KLRF1: variants seen among roughly 807,000 people sequenced by gnomAD.
KLRF1 encodes the protein killer cell lectin-like receptor subfamily F member 1.
KLRF1 carries 27 observed loss-of-function variants against 30.7 expected under a neutral mutation model. The observed-to-expected ratio is 0.88, with a 90% CI of 0.65 to 1.21. The LOEUF is 1.21. KLRF1 is among the 50% of genes most tolerant of loss of function. The pLI, the probability that KLRF1 is intolerant of heterozygous loss-of-function variation, is 0.00. For missense variants in KLRF1, 246 were observed against 259.3 expected (o/e 0.95, Z 0.35); for synonymous variants, 92 against 89.3 (o/e 1.03, Z -0.17).
Position 9,832,331 on chromosome 12 carries a change from T to A in KLRF1, c.101T>A (p.Leu34Ter). ...AATGTCTCAGATTATTCAGTGACGT[T>A]GCACTGGTATAAAATCTTACTGGGA... ...QLTFKDYSVT[L>*]HWYKILLGIS... Residue 34 changes from leucine to a stop codon, truncating the protein, a stop_gained, in exon 2 of 6, where the codon TTG becomes TAG. Coordinates refer to ENST00000617889, the MANE Select transcript of KLRF1 (RefSeq NM_016523.3). LOFTEE classifies it high-confidence loss of function. The A allele has an allele frequency of 6.3e-7, 1 of 1,597,362 alleles. No homozygotes were observed. Among genetic ancestry groups the A allele is most frequent in the Admixed American group, 1.7e-5 (1 of 59,822 alleles).
chr12:9,807,572 A>G, the KLRF1 span, among the ~76,000 whole-genome samples: 2 of 152,190 alleles, frequency 1.3e-5, no homozygotes, highest in East Asian at 3.8e-4. Flanking sequence ...CTAATAAGTT[A>G]AAAGAAGAAA....
At chr12:9,833,264 A>C (rs1867486772) in intron 2 of KLRF1, 39 bp from the exon 3 acceptor site, 4 of 1,417,752 alleles carry the variant, frequency 2.8e-6, no homozygotes, top group Non-Finnish European at 3.8e-6. Flanking sequence ...TTCCATAGAG[A>C]AGATATTTAC....
chr12:9,843,757 T>C (rs144167848), intron 5 of KLRF1, among the ~76,000 whole-genome samples: 15 of 152,302 alleles, frequency 9.8e-5, no homozygotes, highest in South Asian at 2.1e-4. Context: ...TATTTTCTAA[T>C]ATGAAAATTC....
intron 3 of KLRF1, among the ~76,000 whole-genome samples, chr12:9,839,491 A>G (rs1317958889): frequency 6.6e-6 from 1 of 152,122 alleles, no homozygotes; most frequent in African/African-American, 2.4e-5. Context: ...AGATAGGAGT[A>G]TTATATTCAG....
chr12:9,816,996 C>G, the KLRF1 span, among the ~76,000 whole-genome samples: 1 of 151,936 alleles, frequency 6.6e-6, no homozygotes, highest in African/African-American at 2.4e-5. Context: ...GCCTCCCATC[C>G]AGCATTCTCT....
At chr12:9,844,353 C>T (rs1298072433) in intron 5 of KLRF1, 65 bp from the exon 6 acceptor site, 2 of 810,982 alleles carry the variant, frequency 2.5e-6, no homozygotes, top group Non-Finnish European at 4.2e-6. Flanking sequence ...AGGATATTAG[C>T]AGAAGACACA....
At chr12:9,800,823 A>AT in the KLRF1 span, among the ~76,000 whole-genome samples, 1 of 151,832 alleles carries the variant, frequency 6.6e-6, no homozygotes, top group East Asian at 1.9e-4. Context: ...TTATCTTTTC[A>AT]TTTTTTAAAA....
intron 5 of KLRF1, 54 bp from the exon 6 acceptor site, chr12:9,844,364 A>C (rs1867766232): frequency 3.3e-6 from 3 of 903,908 alleles, no homozygotes; most frequent in South Asian, 2.9e-5. Flanking sequence ...AGAAGACACA[A>C]ATGGATGTCT....
chr12:9,828,262 G>T (rs1170315358), intron 1 of KLRF1, among the ~76,000 whole-genome samples: 1 of 151,952 alleles, frequency 6.6e-6, no homozygotes, highest in East Asian at 1.9e-4. Flanking sequence ...TGCGTTTTTA[G>T]TAGAGATGGG....
the KLRF1 span, among the ~76,000 whole-genome samples, chr12:9,812,000 T>C: frequency 1.3e-5 from 2 of 152,142 alleles, no homozygotes; most frequent in African/African-American, 4.8e-5. Flanking sequence ...AAAAATAGTT[T>C]GTACATAATC....
At chr12:9,818,386 G>T in the KLRF1 span, among the ~76,000 whole-genome samples, 1 of 152,226 alleles carries the variant, frequency 6.6e-6, no homozygotes, top group Admixed American at 6.5e-5. Flanking sequence ...ATGTGTGTGA[G>T]ATCCTGAGCA....
At chr12:9,815,967 C>T in the KLRF1 span, among the ~76,000 whole-genome samples, 10 of 152,164 alleles carry the variant, frequency 6.6e-5, no homozygotes, top group East Asian at 3.8e-4. Flanking sequence ...TACAGGCACA[C>T]GCCACCACGC....
At chr12:9,819,307 G>T in the KLRF1 span, among the ~76,000 whole-genome samples, 2 of 152,212 alleles carry the variant, frequency 1.3e-5, no homozygotes, top group Admixed American at 1.3e-4. Context: ...GGGATTGTCC[G>T]CAGGCCCTGC....
At position 9,844,403 on chromosome 12, in the gene KLRF1, TTC is replaced by T. The variant is rs1867767035; in HGVS notation, c.588-9_588-8del. The T allele has an allele frequency of 7.4e-7, 1 of 1,358,134 alleles. No individual in the cohort carries two copies. The highest frequency in any genetic ancestry group is 1.1e-6 in the Non-Finnish European group (1 of 949,186). The allele number at this position is 1,358,134 out of a possible 1,614,324, so 84.1% of individuals were successfully genotyped here. On this transcript the variant is annotated splice_polypyrimidine_tract_variant and intron_variant, in intron 5 of 5. Coordinates refer to ENST00000617889, the MANE Select transcript of KLRF1 (RefSeq NM_016523.3). Reference sequence around the variant, plus strand: ...GCTACAGTGATTAACAAAGTATTTATTCTCTCTTCCCTAGATTCTTCATAAAG... The same window carrying T: ...GCTACAGTGATTAACAAAGTATTTATTCTCTTCCCTAGATTCTTCATAAAG...
chr12:9,835,025 T>C (rs1398800427), intron 3 of KLRF1, among the ~76,000 whole-genome samples: 1 of 152,098 alleles, frequency 6.6e-6, no homozygotes, highest in Admixed American at 6.6e-5. Context: ...GAGGTTGAAA[T>C]GCCTCCTATT....
chr12:9,806,641 C>A, the KLRF1 span, among the ~76,000 whole-genome samples: 2 of 151,914 alleles, frequency 1.3e-5, no homozygotes, highest in African/African-American at 4.8e-5. Flanking sequence ...TTTATGTCTG[C>A]CATTTTCAGT....
chr12:9,817,394 C>T, the KLRF1 span: 1 of 373,944 alleles, frequency 2.7e-6, no homozygotes, highest in Non-Finnish European at 5.2e-6. Context: ...TTTATTCTAG[C>T]TGATCTCTAG....
the KLRF1 span, among the ~76,000 whole-genome samples, chr12:9,805,644 C>T: frequency 6.6e-6 from 1 of 151,990 alleles, no homozygotes; most frequent in Non-Finnish European, 1.5e-5. Flanking sequence ...GATAAGTAAT[C>T]TGGATCTGGA....
the KLRF1 span, among the ~76,000 whole-genome samples, chr12:9,816,835 G>A: frequency 1.3e-5 from 2 of 150,278 alleles, no homozygotes; most frequent in East Asian, 3.9e-4. Flanking sequence ...TCAGGTTCAC[G>A]CCATTCTCCT....
Sources: gnomAD v4.1 joint callset for allele counts (sites outside exome capture counted in the v4.1 genomes callset) on GRCh38, gnomAD v4.1.1 for gene constraint, MANE v1.5 for transcripts, NCBI Gene and HGNC (gene_info 2026-07-23, HGNC 2026-07-21) for gene names.